Variants in VPS13B observed in about 807,000 individuals in gnomAD.
The protein encoded by VPS13B is vacuolar protein sorting 13 homolog B.
VPS13B carries 285 observed loss-of-function variants against 426.4 expected under a neutral mutation model. That is an observed-to-expected ratio of 0.67 (90% CI 0.61 to 0.74). VPS13B has a LOEUF of 0.74. Ranked by LOEUF, VPS13B falls within the 30% of genes least tolerant of loss-of-function variation. The pLI, the probability that VPS13B is intolerant of heterozygous loss-of-function variation, is 0.00. For missense variants in VPS13B, 4,537 were observed against 4,782.6 expected (o/e 0.95, Z 1.51); for synonymous variants, 1,676 against 1,676.4 (o/e 1.00, Z 0.01).
At chr8:99,634,558 G>A (rs973112809) in intron 33 of VPS13B, among the ~76,000 whole-genome samples, 1 of 151,898 alleles carries the variant, frequency 6.6e-6, no homozygotes, top group Non-Finnish European at 1.5e-5. Flanking sequence ...CATAATTACT[G>A]CAGTATTGTG....
intron 23 of VPS13B, among the ~76,000 whole-genome samples, chr8:99,449,471 C>T (rs1373425496): frequency 6.6e-6 from 1 of 151,940 alleles, no homozygotes; most frequent in Non-Finnish European, 1.5e-5. Context: ...ACAAAATGAC[C>T]ACAGGGAAAA....
At chr8:99,574,730 C>T (rs1825683855) in intron 31 of VPS13B, among the ~76,000 whole-genome samples, 1 of 152,262 alleles carries the variant, frequency 6.6e-6, no homozygotes, top group East Asian at 1.9e-4. Flanking sequence ...CCTCCAGGTC[C>T]AATTCTGGAA....
chr8:99,467,263 G>T, intron 23 of VPS13B, 151 bp from the exon 24 acceptor site: 1 of 785,590 alleles, frequency 1.3e-6, no homozygotes. Flanking sequence ...CATGTAAATT[G>T]TTTAGCACCG....
In VPS13B at chr8:99,501,808, C is replaced by T; in HGVS notation, c.3992C>T (p.Pro1331Leu). Residue 1331 changes from proline (P) to leucine (L), a missense_variant, in exon 26 of 62, where the codon CCC (proline) becomes CTC (leucine). Around this residue, in one of 2 missense-constraint regions of VPS13B, gnomAD observed 4,311 missense variants for 4,474.3 expected, o/e 0.96. Transcript: ENST00000357162. ...AGTTTATGGATGCAGTGGGTGCTTC[C>T]CAAAATTACTATAAAGCTCTTTGCT... ...RVSLWMQWVL[P>L]KITIKLFAPD... 6.2e-7 allele frequency: 1 copy of T among 1,613,858 alleles called. No homozygotes were observed. Among genetic ancestry groups the T allele is most frequent in the South Asian group, 1.1e-5 (1 of 91,064 alleles).
At chr8:99,575,917 T>G in intron 32 of VPS13B, 133 bp downstream of exon 32, 1 of 897,354 alleles carries the variant, frequency 1.1e-6, no homozygotes, top group Non-Finnish European at 1.7e-6. Context: ...CTATCATAGC[T>G]AACATTTATG....
chr8:99,798,691 G>A (rs759122403), intron 43 of VPS13B, among the ~76,000 whole-genome samples: 2 of 152,076 alleles, frequency 1.3e-5, no homozygotes, highest in Non-Finnish European at 2.9e-5. Context: ...TTCCTCCCCT[G>A]GCAATAAATC....
intron 40 of VPS13B, among the ~76,000 whole-genome samples, chr8:99,767,516 A>AAAAAAAAAAAAAAAAAT (rs1811287082): frequency 6.6e-6 from 1 of 150,930 alleles, no homozygotes. Context: ...AAAAAAAAAA[A>AAAAAAAAAAAAAAAAAT]AAGGCGACAG....
At chr8:99,292,996 C>G (rs1406211713) in intron 19 of VPS13B, among the ~76,000 whole-genome samples, 1 of 152,082 alleles carries the variant, frequency 6.6e-6, no homozygotes, top group African/African-American at 2.4e-5. Context: ...GGGATCATTT[C>G]TATAGTTTGT....
chr8:99,844,263 G>A (rs1815860605), intron 54 of VPS13B, among the ~76,000 whole-genome samples: 1 of 152,126 alleles, frequency 6.6e-6, no homozygotes, highest in South Asian at 2.1e-4. Context: ...TCAGGGTACT[G>A]GCAGATTCGG....
At chr8:99,427,552 T>A (rs1588365962) in intron 21 of VPS13B, among the ~76,000 whole-genome samples, 1 of 151,872 alleles carries the variant, frequency 6.6e-6, no homozygotes, top group East Asian at 1.9e-4. Context: ...TCAAAGAGAA[T>A]AAAATACCTG....
intron 16 of VPS13B, among the ~76,000 whole-genome samples, chr8:99,185,926 T>C (rs1813197057): frequency 6.6e-6 from 1 of 152,162 alleles, no homozygotes; most frequent in African/African-American, 2.4e-5. Flanking sequence ...AATTAGGCCA[T>C]ATTCATTTTT....
chr8:99,023,130 A>G (rs1367041288), intron 2 of VPS13B, among the ~76,000 whole-genome samples: 1 of 151,816 alleles, frequency 6.6e-6, no homozygotes, highest in Non-Finnish European at 1.5e-5. Context: ...CTAGGACCAC[A>G]TACATATGCC....
intron 56 of VPS13B, among the ~76,000 whole-genome samples, chr8:99,855,945 C>T (rs1238162825): frequency 5.3e-5 from 8 of 152,192 alleles, no homozygotes; most frequent in Admixed American, 5.2e-4. Flanking sequence ...TCCCTTCAGG[C>T]AGCCTTTGCT....
At chr8:99,846,462 T>G (rs545146531) in intron 54 of VPS13B, among the ~76,000 whole-genome samples, 1 of 152,218 alleles carries the variant, frequency 6.6e-6, no homozygotes, top group African/African-American at 2.4e-5. Context: ...AGGATTTACT[T>G]TGGACTTGTG....
intron 16 of VPS13B, 25 bp downstream of exon 16, chr8:99,170,188 A>G (rs1488941278): frequency 1.2e-6 from 2 of 1,609,932 alleles, no homozygotes; most frequent in Middle Eastern, 1.7e-4. Flanking sequence ...TTAAAATGTG[A>G]TTTATGTTAA....
At chr8:99,460,897 G>A (rs990946414) in intron 23 of VPS13B, among the ~76,000 whole-genome samples, 1 of 152,178 alleles carries the variant, frequency 6.6e-6, no homozygotes, top group Non-Finnish European at 1.5e-5. Flanking sequence ...GGTAGAGATA[G>A]AAATGACTTC....
chr8:99,321,815 A>G (rs1810003310), intron 19 of VPS13B, among the ~76,000 whole-genome samples: 3 of 152,224 alleles, frequency 2.0e-5, no homozygotes, highest in Non-Finnish European at 4.4e-5. Context: ...GATATTGAGA[A>G]CATTATGATT....
intron 17 of VPS13B, among the ~76,000 whole-genome samples, chr8:99,249,860 T>C (rs763347409): frequency 3.9e-5 from 6 of 152,132 alleles, no homozygotes; most frequent in Non-Finnish European, 2.9e-5. Context: ...AGTGAGCTAT[T>C]ACCTTCGCAC....
rs1820054417 is a variant in VPS13B at position 99,296,582 on chromosome 8, TATGCAAGGATGG to T, written c.2824+21329_2824+21340del. Among the ~76,000 whole-genome samples the T allele has an allele frequency of 4.6e-5, 7 of 152,350 alleles. No individual in the cohort carries two copies. The South Asian group carries it at 1.4e-3, about 32-fold the overall frequency. ...TCTGTGCATATTGTGAATGCATATTTATGCAAGGATGGTAATTGCTGTGGTCTGAATGTGTCT... is the reference window on the plus strand; with the variant it reads ...TCTGTGCATATTGTGAATGCATATTTTAATTGCTGTGGTCTGAATGTGTCT... On this transcript the variant is annotated intron_variant, in intron 19 of 61. Coordinates refer to ENST00000357162, the MANE Select transcript of VPS13B (RefSeq NM_152564.5).
Sources: gnomAD v4.1 joint callset for allele counts (sites outside exome capture counted in the v4.1 genomes callset) on GRCh38, gnomAD v4.1.1 for gene constraint, gnomAD v4.1.1 regional missense constraint, MANE v1.5 for transcripts, NCBI Gene and HGNC (gene_info 2026-07-23, HGNC 2026-07-21) for gene names.